The following MEI4 variants were observed in gnomAD, a reference collection of about 807,000 sequenced individuals.
MEI4 encodes meiotic double-stranded break formation protein 4.
Under a neutral mutation model 31.4 loss-of-function variants are expected in MEI4, and 27 were observed. The ratio of observed to expected loss-of-function variants is 0.86; its 90% CI spans 0.63 to 1.19. The LOEUF is 1.19. Ranked by LOEUF, MEI4 falls within the 50% of genes most tolerant of loss-of-function variation. The pLI, the probability that MEI4 is intolerant of heterozygous loss-of-function variation, is 0.00. For missense variants in MEI4, 329 were observed against 398.9 expected, an observed-to-expected ratio of 0.82 and a Z score of 1.49; for synonymous variants, 122 against 145.4, an observed-to-expected ratio of 0.84 and a Z score of 1.16.
intron 4 of MEI4, among the ~76,000 whole-genome samples, chr6:77,856,959 C>G (rs1770760879): frequency 6.6e-6 from 1 of 152,178 alleles, no homozygotes; most frequent in African/African-American, 2.4e-5. Context: ...ATGCTAATCT[C>G]CTTACCACAA....
intron 2 of MEI4, among the ~76,000 whole-genome samples, chr6:77,711,611 G>A (rs1452783148): frequency 6.6e-6 from 1 of 152,132 alleles, no homozygotes; most frequent in African/African-American, 2.4e-5. Flanking sequence ...TGCATATTGG[G>A]AAGTGCTGCT....
chr6:77,817,696 A>AT (rs922597068), intron 3 of MEI4, among the ~76,000 whole-genome samples: 6 of 151,976 alleles, frequency 3.9e-5, no homozygotes, highest in Non-Finnish European at 7.4e-5. Context: ...TGATGTTATA[A>AT]TTTTTTTATA....
At chr6:77,656,884 T>C (rs1255607005) in intron 1 of MEI4, among the ~76,000 whole-genome samples, 1 of 152,202 alleles carries the variant, frequency 6.6e-6, no homozygotes, top group Non-Finnish European at 1.5e-5. Context: ...CAAATAGATT[T>C]TAAAAATTAC....
chr6:77,729,717 C>T (rs1766922764), intron 2 of MEI4, among the ~76,000 whole-genome samples: 1 of 151,906 alleles, frequency 6.6e-6, no homozygotes, highest in Non-Finnish European at 1.5e-5. Context: ...TATGAGAATC[C>T]CCTGAATATT....
chr6:77,677,998 A>G (rs1019058815), intron 1 of MEI4, among the ~76,000 whole-genome samples: 1 of 152,220 alleles, frequency 6.6e-6, no homozygotes, highest in Admixed American at 6.5e-5. Context: ...TATCTTTTAC[A>G]GCAGGAGCTA....
intron 3 of MEI4, among the ~76,000 whole-genome samples, chr6:77,767,253 G>A (rs7753042): frequency 0.15 from 22,574 of 151,758 alleles, 2,037 homozygotes; most frequent in East Asian, 0.4. Flanking sequence ...GGTGGTGTGC[G>A]CCTGTAGTCC....
chr6:77,906,664 G>T (rs989804727), intron 4 of MEI4, among the ~76,000 whole-genome samples: 6 of 152,166 alleles, frequency 3.9e-5, no homozygotes, highest in African/African-American at 1.4e-4. Flanking sequence ...CGATGAGTTG[G>T]TCAAGCATAG....
At chr6:77,736,884 G>T (rs1383708726) in intron 2 of MEI4, among the ~76,000 whole-genome samples, 20 of 151,240 alleles carry the variant, frequency 1.3e-4, no homozygotes, top group Admixed American at 1.2e-3. Flanking sequence ...GAAGGAAGTT[G>T]CTTGCCTTTA....
At chr6:77,785,328 G>A (rs1193055168) in intron 3 of MEI4, among the ~76,000 whole-genome samples, 2 of 152,140 alleles carry the variant, frequency 1.3e-5, no homozygotes, top group Non-Finnish European at 1.5e-5. Context: ...TCCTTGTGAA[G>A]ATTTGTTTCA....
chr6:77,851,741 C>T (rs1770629453), intron 4 of MEI4, among the ~76,000 whole-genome samples: 1 of 151,696 alleles, frequency 6.6e-6, no homozygotes, highest in African/African-American at 2.4e-5. Context: ...ATGTAGCAAA[C>T]CTGAACGTTG....
intron 3 of MEI4, among the ~76,000 whole-genome samples, chr6:77,802,981 T>C (rs1413374432): frequency 6.6e-6 from 1 of 152,190 alleles, no homozygotes; most frequent in Non-Finnish European, 1.5e-5. Context: ...AGTATCTTTG[T>C]GGCATTCTCT....
chr6:77,746,107 G>A (rs908575023), intron 2 of MEI4, among the ~76,000 whole-genome samples: 19 of 152,060 alleles, frequency 1.2e-4, no homozygotes, highest in South Asian at 2.1e-4. Flanking sequence ...AGAAGGCAAG[G>A]AATAACTAAA....
chr6:77,800,079 C>T (rs907409667), intron 3 of MEI4, among the ~76,000 whole-genome samples: 40 of 152,090 alleles, frequency 2.6e-4, no homozygotes, highest in Non-Finnish European at 4.4e-4. Context: ...TATAAATTAC[C>T]TTGGGCAGTA....
intron 3 of MEI4, among the ~76,000 whole-genome samples, chr6:77,822,847 C>T (rs1301660491): frequency 6.6e-6 from 1 of 151,962 alleles, no homozygotes; most frequent in Non-Finnish European, 1.5e-5. Context: ...TGGTCTTGAT[C>T]TCCTGACCTC....
intron 2 of MEI4, among the ~76,000 whole-genome samples, chr6:77,755,179 A>G (rs1011355562): frequency 6.6e-6 from 1 of 152,186 alleles, no homozygotes; most frequent in African/African-American, 2.4e-5. Context: ...CCTGAAAAAA[A>G]AGAAAAAGAG....
At chr6:77,707,297 G>A (rs1163505048) in intron 2 of MEI4, among the ~76,000 whole-genome samples, 1 of 152,170 alleles carries the variant, frequency 6.6e-6, no homozygotes. Context: ...GTGGAAGTTT[G>A]AGCTTAAGAG....
intron 3 of MEI4, among the ~76,000 whole-genome samples, chr6:77,802,583 T>C (rs1370637101): frequency 6.6e-6 from 1 of 152,196 alleles, no homozygotes; most frequent in African/African-American, 2.4e-5. Flanking sequence ...CTTTATAACT[T>C]GGCTTGTTTT....
At chr6:77,817,426 T>G (rs187861397) in intron 3 of MEI4, among the ~76,000 whole-genome samples, 1 of 152,246 alleles carries the variant, frequency 6.6e-6, no homozygotes, top group Admixed American at 6.6e-5. Flanking sequence ...GGGAGATCTT[T>G]ATGTTTAAAC....
chr6:77,696,795 G>C (rs1422537025), intron 2 of MEI4, among the ~76,000 whole-genome samples: 1 of 151,988 alleles, frequency 6.6e-6, no homozygotes, highest in Admixed American at 6.6e-5. Context: ...GAGTTAGGGA[G>C]GATTCCCTCT....
Sources: allele counts gnomAD v4.1 joint callset (sites outside exome capture counted in the v4.1 genomes callset), GRCh38; gene constraint gnomAD v4.1.1; transcripts MANE v1.5; gene names NCBI Gene and HGNC (gene_info 2026-07-23, HGNC 2026-07-21).